Variants in C22orf42 observed in about 807,000 individuals in gnomAD.
C22orf42 encodes uncharacterized protein C22orf42.
C22orf42 carries 24 observed loss-of-function variants against 31.4 expected under a neutral mutation model. The observed-to-expected ratio is 0.77, with a 90% CI of 0.55 to 1.08. The LOEUF is 1.08. Among genes scored for constraint, C22orf42 ranks in the 50% least tolerant of loss-of-function variants. C22orf42 has a pLI of 0.00. For missense variants in C22orf42, 276 were observed against 327.3 expected (o/e 0.84, Z 1.21); for synonymous variants, 96 against 112.7 (o/e 0.85, Z 0.94).
intron 1 of C22orf42, among the ~76,000 whole-genome samples, chr22:32,154,766 TA>T (rs1453159627): frequency 6.6e-6 from 1 of 152,228 alleles, no homozygotes; most frequent in East Asian, 1.9e-4. Flanking sequence ...GAGATACAGA[TA>T]AAGGCTTAAG....
In C22orf42 at chr22:32,159,129, C is replaced by G. The variant is rs369034462; in HGVS notation, c.87G>C (p.Glu29Asp). 4 of 1,614,202 alleles carry G rather than the reference C, an allele frequency of 2.5e-6. No homozygotes were observed. The highest frequency in any genetic ancestry group is 2.5e-6 in the Non-Finnish European group (3 of 1,180,030). ...CTGCCACAGTCTCAGGAATCTCACA[C>G]TCATGGCAGGGTCCCACATCTGGCC... ...CCRPDVGPCHECEIPETVAAT... is the reference protein window; with the variant it reads ...CCRPDVGPCHDCEIPETVAAT... Residue 29 changes from glutamate to aspartate, a missense_variant, in exon 1 of 9, where the codon GAG (glutamate) becomes GAC (aspartate). Coordinates refer to ENST00000382097, the MANE Select transcript of C22orf42 (RefSeq NM_001010859.3).
chr22:32,159,806 T>TG (rs1344607664), upstream of C22orf42: 2 of 158,964 alleles, frequency 1.3e-5, no homozygotes, highest in African/African-American at 4.8e-5. Flanking sequence ...GACTGCGACT[T>TG]GAATGAAACC....
At chr22:32,158,892 G>A in intron 1 of C22orf42, 92 bp downstream of exon 1, 2 of 1,394,172 alleles carry the variant, frequency 1.4e-6, no homozygotes, top group East Asian at 2.3e-5. Flanking sequence ...TGGAAGCTGA[G>A]GATGTCTCTG....
intron 2 of C22orf42, among the ~76,000 whole-genome samples, chr22:32,153,914 T>C (rs1921112362): frequency 6.6e-6 from 1 of 150,948 alleles, no homozygotes; most frequent in African/African-American, 2.4e-5. Flanking sequence ...GGCCAGCTAC[T>C]TGGGAGGCTG....
At position 32,159,037 on chromosome 22, in the gene C22orf42, A is replaced by G; in HGVS notation, c.179T>C (p.Leu60Pro). The stretch of plus-strand genomic sequence containing the variant: ...CTTCGGGAGGCTGAGGTACTGCATG[A>G]GTTGGGCCTTCTTAGCTTTCAAATC... Reference protein sequence around the residue: ...KLDLKAKKAQLMQYLSLPKTP... With the variant: ...KLDLKAKKAQPMQYLSLPKTP... The change falls in exon 1 of 9, where the codon CTC becomes CCC. Residue 60 changes from leucine (L) to proline (P), a missense_variant. Physicochemically the swap from Leu to Pro is moderately conservative, Grantham distance 98. Coordinates refer to ENST00000382097, the MANE Select transcript of C22orf42 (RefSeq NM_001010859.3). 1 of 1,614,144 alleles carries G rather than the reference A, an allele frequency of 6.2e-7. No individual in the cohort carries two copies. Among genetic ancestry groups the G allele is most frequent in the Admixed American group, 1.7e-5 (1 of 60,018 alleles).
In C22orf42 at chr22:32,152,556, T is replaced by A. The variant is rs554434922; in HGVS notation, c.372+6A>T. On this transcript the variant is annotated splice_donor_region_variant and intron_variant, in intron 3 of 8. Coordinates refer to ENST00000382097, the MANE Select transcript of C22orf42 (RefSeq NM_001010859.3). ...TTTCTCTTCCAGAGAAAGAAATACA[T>A]CTTACAATATCTGATGTCATATTCT... 59 of 1,602,760 alleles carry A rather than the reference T, an allele frequency of 3.7e-5. No homozygotes were observed. The South Asian group carries it at 6.1e-4, about 16-fold the overall frequency.
intron 7 of C22orf42, 92 bp downstream of exon 7, chr22:32,150,227 T>C (rs1002349043): frequency 1.1e-4 from 140 of 1,296,900 alleles, no homozygotes; most frequent in Non-Finnish European, 1.4e-4. Context: ...TTCTATAATA[T>C]ACATGGTCAG....
In C22orf42 at chr22:32,149,513, C is replaced by A. The variant is rs748881470; in HGVS notation, c.*27G>T. ...GATTTGAGCTGGGCGTGATGGCAGGCGTCTGTAATCCCAGCTACTTGGAAC... is the reference window on the plus strand; with the variant it reads ...GATTTGAGCTGGGCGTGATGGCAGGAGTCTGTAATCCCAGCTACTTGGAAC... On this transcript the variant is annotated 3_prime_UTR_variant, in exon 9 of 9. Transcript: ENST00000382097. The A allele has an allele frequency of 1.1e-5, 17 of 1,510,146 alleles. No homozygotes were observed. The highest frequency in any genetic ancestry group is 1.5e-5 in the Non-Finnish European group (17 of 1,121,564). The allele number at this position is 1,510,146 out of a possible 1,614,324, so 93.5% of individuals were successfully genotyped here.
chr22:32,152,959 A>C (rs1317373965), intron 2 of C22orf42, among the ~76,000 whole-genome samples: 2 of 152,260 alleles, frequency 1.3e-5, no homozygotes, highest in Non-Finnish European at 1.5e-5. Context: ...AATTTTATGA[A>C]ATGTTACAAG....
intron 1 of C22orf42, among the ~76,000 whole-genome samples, chr22:32,158,296 A>G (rs1485426197): frequency 6.6e-6 from 1 of 152,214 alleles, no homozygotes; most frequent in Non-Finnish European, 1.5e-5. Context: ...ACACTGTAGT[A>G]GGGCTGAAGA....
In C22orf42 at chr22:32,149,379, G is replaced by A; in HGVS notation, c.*161C>T. The A allele has an allele frequency of 1.2e-6, 1 of 827,686 alleles. No homozygotes were observed. The highest frequency in any genetic ancestry group is 1.6e-6 in the Non-Finnish European group (1 of 621,780). 51.3% of individuals were successfully genotyped at this position (827,686 alleles called of 1,614,324 possible). On this transcript the variant is annotated 3_prime_UTR_variant, in exon 9 of 9. Coordinates refer to ENST00000382097, the MANE Select transcript of C22orf42 (RefSeq NM_001010859.3). ...ATGTAAGAACACCAGGCTGCAAGAG[G>A]ACTGGCTGCAGCCACAAACTGCAGG... is the stretch of plus-strand genomic sequence containing the variant.
Position 32,158,451 on chromosome 22 carries a change from A to AT in C22orf42, c.232+532dup, listed in dbSNP as rs201242806. On this transcript the variant is annotated intron_variant, in intron 1 of 8. Coordinates refer to ENST00000382097, the MANE Select transcript of C22orf42 (RefSeq NM_001010859.3). ...GCAGTCATTTGAAGCATGTCCCCCA[A>AT]TTTTTTTTCCTTCTTTCTTCAAATT... 4.7e-3 allele frequency among the ~76,000 whole-genome samples: 720 copies of AT among 152,134 alleles called. 5 individuals are homozygous for AT. The highest frequency in any genetic ancestry group is 8.1e-3 in the Admixed American group (124 of 15,270).
chr22:32,155,199 CT>C (rs1333727735), intron 1 of C22orf42, among the ~76,000 whole-genome samples: 1 of 152,138 alleles, frequency 6.6e-6, no homozygotes, highest in Non-Finnish European at 1.5e-5. Flanking sequence ...TTCTCACAAG[CT>C]TTGTCAAATC....
At chr22:32,150,172 T>TA (rs2094110082) in intron 7 of C22orf42, 147 bp downstream of exon 7, 6 of 809,616 alleles carry the variant, frequency 7.4e-6, no homozygotes, top group Non-Finnish European at 1.2e-5. Flanking sequence ...CAATCGAATA[T>TA]GATATTCCCT....
chr22:32,156,041 A>G (rs2149513715), intron 1 of C22orf42, among the ~76,000 whole-genome samples: 2 of 152,320 alleles, frequency 1.3e-5, no homozygotes, highest in African/African-American at 2.4e-5. Flanking sequence ...GTCTCTTAAA[A>G]AGAAAAAGCA....
upstream of C22orf42, chr22:32,160,228 CCACAAGCCGATCATGATTAT>C (rs1921517380): frequency 1.3e-5 from 2 of 152,104 alleles, no homozygotes; most frequent in Non-Finnish European, 2.9e-5. Context: ...ATCTTGATCC[CCACAAGCCGATCATGATTAT>C]CAGAAAGTAA....
In C22orf42 at chr22:32,149,525, C is replaced by G; in HGVS notation, c.*15G>C. 1 of 1,527,140 alleles carries G rather than the reference C, an allele frequency of 6.5e-7. No homozygotes were observed. The highest frequency in any genetic ancestry group is 1.4e-5 in the African/African-American group (1 of 72,670). The allele number at this position is 1,527,140 out of a possible 1,614,324, so 94.6% of individuals were successfully genotyped here. A position where few individuals can be genotyped will look rare whatever the true frequency, so the allele number is the denominator to read the frequency against. ...GCGTGATGGCAGGCGTCTGTAATCC[C>G]AGCTACTTGGAACACTAAAGCCGGA... is the stretch of plus-strand genomic sequence containing the variant. On this transcript the variant is annotated 3_prime_UTR_variant, in exon 9 of 9. Coordinates refer to ENST00000382097, the MANE Select transcript of C22orf42 (RefSeq NM_001010859.3).
intron 2 of C22orf42, among the ~76,000 whole-genome samples, chr22:32,153,451 A>G (rs558903620): frequency 6.6e-6 from 1 of 152,366 alleles, no homozygotes; most frequent in African/African-American, 2.4e-5. Flanking sequence ...TGTGCTCACA[A>G]TTGGATACAG....
At chr22:32,149,650 A>AATATAT (rs66503637) in intron 8 of C22orf42, 37 bp from the exon 9 acceptor site, 3 of 1,191,504 alleles carry the variant, frequency 2.5e-6, no homozygotes, top group African/African-American at 3.2e-5. Context: ...TCAAAAAAAA[A>AATATAT]ATATATATAT....
Sources: allele counts gnomAD v4.1 joint callset (sites outside exome capture counted in the v4.1 genomes callset), GRCh38; gene constraint gnomAD v4.1.1; transcripts MANE v1.5; gene names NCBI Gene and HGNC (gene_info 2026-07-23, HGNC 2026-07-21).